The following UQCC1 variants were observed in gnomAD, a reference collection of about 807,000 sequenced individuals.
UQCC1 encodes bFGF-repressed Zic-binding protein.
In UQCC1, 38 loss-of-function variants were observed where a neutral mutation model predicts 48.0. The ratio of observed to expected loss-of-function variants is 0.79; its 90% CI spans 0.61 to 1.04. UQCC1 has a LOEUF of 1.04. Ranked by LOEUF, UQCC1 falls within the 50% of genes least tolerant of loss-of-function variation. The pLI is 0.00. For synonymous variants in UQCC1, 111 were observed against 129.2 expected (o/e 0.86, Z 0.95); for missense variants, 368 against 381.8 (o/e 0.96, Z 0.30).
rs2060930575 is a variant in UQCC1, at chr20:35,306,571, G to A, written c.765+95C>T. 21 of 934,708 alleles carry A rather than the reference G, an allele frequency of 2.2e-5. No individual in the cohort carries two copies. The Admixed American group carries it at 3.2e-4, about 14-fold the overall frequency. The allele number at this position is 934,708 out of a possible 1,614,324, so 57.9% of individuals were successfully genotyped here. A position where few individuals can be genotyped will look rare whatever the true frequency, so the allele number is the denominator to read the frequency against. On this transcript the variant is annotated intron_variant, in intron 9 of 9. Coordinates refer to ENST00000374385, the MANE Select transcript of UQCC1 (RefSeq NM_018244.5). ...ATCTGGTCAGAATTCTCTCAGGCTG[G>A]TCCTTGGTAACTCCACCTCTCATGA... is the stretch of plus-strand genomic sequence containing the variant.
intron 7 of UQCC1, among the ~76,000 whole-genome samples, chr20:35,330,125 T>C (rs1415306792): frequency 6.6e-6 from 1 of 152,212 alleles, no homozygotes; most frequent in African/African-American, 2.4e-5. Flanking sequence ...ATGCTGACCT[T>C]AAGAGAAAAG....
intron 2 of UQCC1, among the ~76,000 whole-genome samples, chr20:35,388,138 G>A (rs555438745): frequency 2.0e-5 from 3 of 151,116 alleles, no homozygotes; most frequent in Non-Finnish European, 2.9e-5. Context: ...GTGCCACCAC[G>A]CCAGCTAATT....
intron 7 of UQCC1, among the ~76,000 whole-genome samples, chr20:35,328,249 A>C (rs2061218937): frequency 6.6e-6 from 1 of 152,132 alleles, no homozygotes. Flanking sequence ...ATCTAAGTAA[A>C]TTTTGGGCCC....
chr20:35,329,765 GGAGAAAA>G (rs1406596877), intron 7 of UQCC1, among the ~76,000 whole-genome samples: 3 of 152,206 alleles, frequency 2.0e-5, no homozygotes, highest in African/African-American at 7.2e-5. Context: ...TAAGCCCACA[GGAGAAAA>G]GAGTCTTGTG....
intron 6 of UQCC1, among the ~76,000 whole-genome samples, chr20:35,353,170 A>G (rs2061508326): frequency 6.6e-6 from 1 of 152,026 alleles, no homozygotes; most frequent in African/African-American, 2.4e-5. Context: ...TGGGAGGCCG[A>G]GGCAGGTGGA....
chr20:35,386,452 G>A (rs969618737), intron 2 of UQCC1: 7 of 425,360 alleles, frequency 1.6e-5, no homozygotes, highest in Non-Finnish European at 2.3e-5. Flanking sequence ...CTTTCCAAAC[G>A]AGGATATTAA....
intron 3 of UQCC1, among the ~76,000 whole-genome samples, chr20:35,382,683 TG>T (rs1454019559): frequency 6.6e-6 from 1 of 151,666 alleles, no homozygotes; most frequent in Non-Finnish European, 1.5e-5. Context: ...CTAATTTTTT[TG>T]TATTTTTAAT....
At chr20:35,404,826 G>A (rs1046202209) in intron 1 of UQCC1, among the ~76,000 whole-genome samples, 3 of 152,158 alleles carry the variant, frequency 2.0e-5, no homozygotes, top group Non-Finnish European at 2.9e-5. Flanking sequence ...ACAAATAGAG[G>A]TAACTGTTTG....
At chr20:35,406,503 A>C (rs968773864) in intron 1 of UQCC1, among the ~76,000 whole-genome samples, 1 of 152,226 alleles carries the variant, frequency 6.6e-6, no homozygotes, top group Non-Finnish European at 1.5e-5. Context: ...TATCCAGCAA[A>C]ACTATTATTC....
intron 7 of UQCC1, among the ~76,000 whole-genome samples, chr20:35,334,238 GGAA>G (rs1420136047): frequency 6.6e-6 from 1 of 152,170 alleles, no homozygotes; most frequent in East Asian, 1.9e-4. Flanking sequence ...TAACAAAGAA[GGAA>G]GAAGTACTGT....
chr20:35,338,384 A>G (rs1485774189), intron 7 of UQCC1, among the ~76,000 whole-genome samples: 1 of 152,144 alleles, frequency 6.6e-6, no homozygotes, highest in African/African-American at 2.4e-5. Flanking sequence ...GGAAGGTACC[A>G]TGGTATAGTA....
intron 6 of UQCC1, among the ~76,000 whole-genome samples, chr20:35,357,563 GCTACAGT>G (rs2146415814): frequency 6.6e-6 from 1 of 151,456 alleles, no homozygotes; most frequent in South Asian, 2.1e-4. Flanking sequence ...TGTAGTCTCA[GCTACAGT>G]CTGAGGCAGG....
At chr20:35,396,899 T>C (rs1439814884) in intron 1 of UQCC1, among the ~76,000 whole-genome samples, 3 of 152,170 alleles carry the variant, frequency 2.0e-5, no homozygotes, top group African/African-American at 4.8e-5. Context: ...ACTTGACCTG[T>C]AGACCTTATA....
chr20:35,303,748 T>C lies in UQCC1; in HGVS notation c.*187A>G. 1 of 795,648 alleles carries C rather than the reference T, an allele frequency of 1.3e-6. No individual in the cohort carries two copies. The highest frequency in any genetic ancestry group is 2.0e-6 in the Non-Finnish European group (1 of 502,656). The allele number at this position is 795,648 out of a possible 1,614,324, so 49.3% of individuals were successfully genotyped here. A position where few individuals can be genotyped will look rare whatever the true frequency, so the allele number is the denominator to read the frequency against. ...GGAGAGCTAGGGGTTCTCCCAGCCC[T>C]GTACCCCAGCAGATCAGACTCCTGG... On this transcript the variant is annotated 3_prime_UTR_variant, in exon 10 of 10. Transcript: ENST00000374385.
At chr20:35,393,693 T>C (rs182082861) in intron 2 of UQCC1, among the ~76,000 whole-genome samples, 23 of 152,268 alleles carry the variant, frequency 1.5e-4, no homozygotes, top group Admixed American at 5.2e-4. Flanking sequence ...AGGTGGTCAA[T>C]GGTAAATGAA....
chr20:35,361,440 A>G (rs944757495), intron 6 of UQCC1, among the ~76,000 whole-genome samples: 1 of 151,982 alleles, frequency 6.6e-6, no homozygotes, highest in Non-Finnish European at 1.5e-5. Flanking sequence ...GTTGTATTTT[A>G]TTAGTGATTT....
chr20:35,324,463 A>C lies in UQCC1; in HGVS notation c.574-9698T>G, dbSNP rs1009481568. ...TGCCTCAGCCTCCAGAGTAGCTGGG[A>C]CTACAGGTGCCCACCACCACGCCCA... On this transcript the variant is annotated intron_variant, in intron 7 of 9. Coordinates refer to ENST00000374385, the MANE Select transcript of UQCC1 (RefSeq NM_018244.5). Among the ~76,000 whole-genome samples the C allele has an allele frequency of 1.1e-3, 166 of 152,256 alleles. 1 individual carries two copies. The highest frequency in any genetic ancestry group is 3.9e-3 in the African/African-American group (162 of 41,558).
In UQCC1 at chr20:35,411,967, C is replaced by T. The variant is rs867793939; in HGVS notation, c.-4G>A. ...GGACTCGCACCAGCAACGCCATGTT[C>T]CTCAATAACCATTTCCGGGTGAAGA... On this transcript the variant is annotated 5_prime_UTR_variant, in exon 1 of 10. Transcript: ENST00000374385. 1 of 1,614,244 alleles carries T rather than the reference C, an allele frequency of 6.2e-7. No homozygotes were observed. Among genetic ancestry groups the T allele is most frequent in the Non-Finnish European group, 8.5e-7 (1 of 1,180,030 alleles).
chr20:35,378,181 T>G (rs2061824742), intron 4 of UQCC1, among the ~76,000 whole-genome samples: 1 of 152,244 alleles, frequency 6.6e-6, no homozygotes, highest in African/African-American at 2.4e-5. Context: ...TCATCAGTCA[T>G]CTTTTACTTG....
Sources: gnomAD v4.1 joint callset for allele counts (sites outside exome capture counted in the v4.1 genomes callset) on GRCh38, gnomAD v4.1.1 for gene constraint, MANE v1.5 for transcripts, NCBI Gene and HGNC (gene_info 2026-07-23, HGNC 2026-07-21) for gene names.